The following ROBO2 variants were observed in gnomAD, a reference collection of about 807,000 sequenced individuals.
The protein encoded by ROBO2 is roundabout guidance receptor 2, also known as roundabout homolog 2.
Under a neutral mutation model 160.8 loss-of-function variants are expected in ROBO2, and 53 were observed. The ratio of observed to expected loss-of-function variants is 0.33; its 90% CI spans 0.26 to 0.41. The LOEUF (loss-of-function observed/expected upper bound fraction) is 0.41, where lower values mean the gene tolerates loss of function less well. Among genes scored for constraint, ROBO2 ranks in the 10% least tolerant of loss-of-function variants. The pLI is 1.00. For missense variants in ROBO2, 1,577 were observed against 1,722.4 expected (o/e 0.92, Z 1.49); for synonymous variants, 664 against 611.7 (o/e 1.09, Z -1.26).
intron 2 of ROBO2, among the ~76,000 whole-genome samples, chr3:76,897,082 T>C (rs1291067202): frequency 6.6e-6 from 1 of 152,156 alleles, no homozygotes; most frequent in African/African-American, 2.4e-5. Flanking sequence ...TCTAAGAATA[T>C]GGACCAATGG....
intron 2 of ROBO2, among the ~76,000 whole-genome samples, chr3:77,261,881 C>T (rs1374336893): frequency 6.6e-6 from 1 of 151,730 alleles, no homozygotes; most frequent in Non-Finnish European, 1.5e-5. Flanking sequence ...AATCTTCCCA[C>T]CTTGGCCTCC....
At chr3:76,948,758 T>A (rs563827689) in intron 2 of ROBO2, among the ~76,000 whole-genome samples, 11 of 142,782 alleles carry the variant, frequency 7.7e-5, no homozygotes, top group South Asian at 6.6e-4. Context: ...CAGGCTGGAG[T>A]GCAGTGGCGC....
rs368431927 is a variant in ROBO2 at position 77,165,046 on chromosome 3, C to G, written c.388+66706C>G. Among the ~76,000 whole-genome samples the G allele has an allele frequency of 5.3e-5, 8 of 152,106 alleles. No individual in the cohort carries two copies. In the East Asian group the frequency reaches 1.4e-3, roughly 26 times the overall value. ...AGGAGCCCCTCTGCCCGGCCACCAC[C>G]CCGTCTGGGAGGTGTGCCCAACGGC... On this transcript the variant is annotated intron_variant, in intron 2 of 25. Transcript: ENST00000461745.
At chr3:76,384,584 T>C (rs1051829024) in intron 2 of ROBO2, among the ~76,000 whole-genome samples, 2 of 152,128 alleles carry the variant, frequency 1.3e-5, no homozygotes, top group African/African-American at 4.8e-5. Flanking sequence ...GACTGGGTAA[T>C]TTATAAAGGA....
chr3:77,395,025 A>C (rs1370877202), intron 2 of ROBO2, among the ~76,000 whole-genome samples: 1 of 152,172 alleles, frequency 6.6e-6, no homozygotes, highest in East Asian at 1.9e-4. Context: ...CAAACTATGA[A>C]GGAAATGATT....
At chr3:77,130,120 C>T (rs2075715148) in intron 2 of ROBO2, among the ~76,000 whole-genome samples, 1 of 152,128 alleles carries the variant, frequency 6.6e-6, no homozygotes, top group Non-Finnish European at 1.5e-5. Context: ...ACATTGAGTT[C>T]TTCGGCAACT....
intron 2 of ROBO2, among the ~76,000 whole-genome samples, chr3:76,128,762 C>T (rs1158296042): frequency 2.6e-5 from 4 of 151,992 alleles, no homozygotes; most frequent in African/African-American, 9.7e-5. Context: ...TAAACTGCTG[C>T]TTTTTTCTTA....
chr3:77,044,615 G>A (rs1296655420), intron 1 of ROBO2, among the ~76,000 whole-genome samples: 1 of 152,004 alleles, frequency 6.6e-6, no homozygotes, highest in Admixed American at 6.6e-5. Flanking sequence ...ATAGGTGAGG[G>A]TGTTTCTTGA....
At chr3:77,048,590 TA>T (rs1340283336) in intron 1 of ROBO2, among the ~76,000 whole-genome samples, 1 of 152,214 alleles carries the variant, frequency 6.6e-6, no homozygotes, top group Non-Finnish European at 1.5e-5. Context: ...AAATCTTGTG[TA>T]AGACAAACTA....
At chr3:77,070,683 A>G (rs2067314897) in intron 1 of ROBO2, among the ~76,000 whole-genome samples, 1 of 152,158 alleles carries the variant, frequency 6.6e-6, no homozygotes, top group African/African-American at 2.4e-5. Context: ...ATGGAATGGG[A>G]TAGATAGGGT....
chr3:76,578,134 T>G (rs999146941), intron 2 of ROBO2, among the ~76,000 whole-genome samples: 3 of 152,128 alleles, frequency 2.0e-5, no homozygotes, highest in African/African-American at 4.8e-5. Flanking sequence ...CATGCCCCAA[T>G]TTCTTTGTAA....
chr3:76,426,361 C>A (rs1577108643), intron 2 of ROBO2, among the ~76,000 whole-genome samples: 1 of 151,906 alleles, frequency 6.6e-6, no homozygotes, highest in African/African-American at 2.4e-5. Flanking sequence ...AAGGAAATAG[C>A]CAGGGAATAT....
chr3:76,571,771 GAA>G (rs773554919), intron 2 of ROBO2, among the ~76,000 whole-genome samples: 1 of 151,704 alleles, frequency 6.6e-6, no homozygotes, highest in South Asian at 2.1e-4. Flanking sequence ...TTATGTACAG[GAA>G]AAAAAATGTC....
intron 1 of ROBO2, among the ~76,000 whole-genome samples, chr3:77,050,959 A>G (rs1327195140): frequency 1.3e-5 from 2 of 151,336 alleles, no homozygotes; most frequent in African/African-American, 4.9e-5. Context: ...TCAAGGCTGC[A>G]GTGAGCTGTG....
chr3:77,234,870 G>A (rs149979274), intron 2 of ROBO2, among the ~76,000 whole-genome samples: 247 of 152,258 alleles, frequency 1.6e-3, no homozygotes, highest in African/African-American at 5.6e-3. Context: ...TTTTGGGAGT[G>A]TTTCTTAATG....
chr3:76,780,158 C>T (rs193033171), intron 2 of ROBO2, among the ~76,000 whole-genome samples: 2 of 148,666 alleles, frequency 1.3e-5, no homozygotes, highest in Non-Finnish European at 1.5e-5. Flanking sequence ...TGTTGAGCAC[C>T]TTTACATGTT....
chr3:76,539,259 C>T (rs1001372331), intron 2 of ROBO2, among the ~76,000 whole-genome samples: 3 of 151,792 alleles, frequency 2.0e-5, no homozygotes, highest in Admixed American at 2.0e-4. Context: ...CTTTTAAAAC[C>T]TGGAGGACAG....
chr3:76,576,801 TAAA>T, intron 2 of ROBO2, among the ~76,000 whole-genome samples: 1 of 116,372 alleles, frequency 8.6e-6, no homozygotes, highest in South Asian at 2.7e-4. Flanking sequence ...AAAAGAAAAG[TAAA>T]AAAGAAAATG....
chr3:76,228,472 G>T (rs930578122), intron 2 of ROBO2, among the ~76,000 whole-genome samples: 2 of 141,658 alleles, frequency 1.4e-5, no homozygotes, highest in South Asian at 2.3e-4. Flanking sequence ...CAGACAGACA[G>T]TTTTTTGGAA....
Sources: allele counts gnomAD v4.1 joint callset (sites outside exome capture counted in the v4.1 genomes callset), GRCh38; gene constraint gnomAD v4.1.1; transcripts MANE v1.5; gene names NCBI Gene and HGNC (gene_info 2026-07-23, HGNC 2026-07-21).